TMEM108: variants seen among roughly 807,000 people sequenced by gnomAD.
The protein encoded by TMEM108 is cancer/testis antigen 124.
In TMEM108, 12 loss-of-function variants were observed where a neutral mutation model predicts 35.1. The observed-to-expected ratio is 0.34, with a 90% CI of 0.22 to 0.55. The LOEUF is 0.55. Ranked by LOEUF, TMEM108 falls within the 20% of genes least tolerant of loss-of-function variation. The probability of loss-of-function intolerance (pLI) is 0.89; values close to 1 mark genes in which losing one functional copy is unlikely to be tolerated. For missense variants in TMEM108, 680 were observed against 753.3 expected, an observed-to-expected ratio of 0.90 and a Z score of 1.14; for synonymous variants, 287 against 308.6, an observed-to-expected ratio of 0.93 and a Z score of 0.73.
intron 3 of TMEM108, among the ~76,000 whole-genome samples, chr3:133,296,869 C>G (rs1947152801): frequency 6.6e-6 from 1 of 152,154 alleles, no homozygotes; most frequent in Admixed American, 6.5e-5. Flanking sequence ...ATTTTCTCAT[C>G]AGGTAGAAGG....
chr3:133,322,345 C>T (rs923285797), intron 3 of TMEM108, among the ~76,000 whole-genome samples: 2 of 152,108 alleles, frequency 1.3e-5, no homozygotes, highest in African/African-American at 2.4e-5. Flanking sequence ...AGAGATACTA[C>T]AACTGACACC....
chr3:133,172,841 G>T (rs1002785861), intron 2 of TMEM108, among the ~76,000 whole-genome samples: 2 of 152,140 alleles, frequency 1.3e-5, no homozygotes, highest in African/African-American at 2.4e-5. Flanking sequence ...CATGGGGGCA[G>T]GTCTTTCTCA....
chr3:133,380,421 C>G lies in TMEM108; in HGVS notation c.710C>G (p.Pro237Arg), dbSNP rs774872132. 2 of 1,613,640 alleles carry G rather than the reference C, an allele frequency of 1.2e-6. No individual in the cohort carries two copies. Among genetic ancestry groups the G allele is most frequent in the Non-Finnish European group, 8.5e-7 (1 of 1,179,712 alleles). The change falls in exon 4 of 6, where the codon CCC becomes CGC. Residue 237 changes from proline (P) to arginine (R), a missense_variant. By Grantham distance (103) the Pro-to-Arg change is moderately radical (BLOSUM62 -2). Around this residue, in one of 3 missense-constraint regions of TMEM108, gnomAD observed 526 missense variants for 532.1 expected, o/e 0.99. Transcript: ENST00000321871. This position sits in a 1 kb window ranked among gnomAD's most constrained non-coding sequence, Gnocchi z 5.3. ...SVEPEPSTLT[P>R]RTPLWGYSSS... is the part of the protein sequence containing the mutation. ...GAACCGGAGCCCTCTACCCTCACCCCCAGGACCCCACTCTGGGGCTACTCC... is the reference window on the plus strand; with the variant it reads ...GAACCGGAGCCCTCTACCCTCACCCGCAGGACCCCACTCTGGGGCTACTCC...
At chr3:133,278,899 C>T (rs1946873093) in intron 3 of TMEM108, among the ~76,000 whole-genome samples, 1 of 152,128 alleles carries the variant, frequency 6.6e-6, no homozygotes, top group South Asian at 2.1e-4. Flanking sequence ...TTAGAATTTA[C>T]ATTTTAACAA....
chr3:133,342,996 A>T (rs1400444363), intron 3 of TMEM108, among the ~76,000 whole-genome samples: 1 of 151,816 alleles, frequency 6.6e-6, no homozygotes, highest in East Asian at 1.9e-4. Context: ...CACATTGTAT[A>T]CATGTATTGA....
At chr3:133,329,103 G>C (rs1001810917) in intron 3 of TMEM108, among the ~76,000 whole-genome samples, 2 of 151,758 alleles carry the variant, frequency 1.3e-5, no homozygotes, top group African/African-American at 4.8e-5. Flanking sequence ...TAGTAAATAA[G>C]TGTTTGAGAA....
intron 2 of TMEM108, among the ~76,000 whole-genome samples, chr3:133,047,671 G>A (rs1218243559): frequency 6.6e-6 from 1 of 152,220 alleles, no homozygotes; most frequent in African/African-American, 2.4e-5. Context: ...GTCCCCTGGA[G>A]AGCAGAATTG....
chr3:133,128,448 C>T (rs1944445498), intron 2 of TMEM108, among the ~76,000 whole-genome samples: 1 of 152,178 alleles, frequency 6.6e-6, no homozygotes, highest in African/African-American at 2.4e-5. Context: ...GTTCCTTCCT[C>T]ATTACCATCA....
At chr3:133,148,517 G>A (rs1394396790) in intron 2 of TMEM108, among the ~76,000 whole-genome samples, 1 of 152,112 alleles carries the variant, frequency 6.6e-6, no homozygotes, top group Admixed American at 6.6e-5. Flanking sequence ...ATATCATTAT[G>A]CTTTCATTTA....
Position 133,388,778 on chromosome 3 carries a change from G to A in TMEM108, c.1451-1402G>A, listed in dbSNP as rs1361558003. The A allele has an allele frequency of 3.0e-6, 3 of 985,302 alleles. No homozygotes were observed. In the African/African-American group the frequency reaches 5.2e-5, roughly 17 times the overall value. 61.0% of individuals were successfully genotyped at this position (985,302 alleles called of 1,614,324 possible). A position where few individuals can be genotyped will look rare whatever the true frequency, so the allele number is the denominator to read the frequency against. ...CAGAATTCCCCAGGCAGCCTACAGG[G>A]CCCTGGGCTCTGGGCTGTGAGGTCT... On this transcript the variant is annotated intron_variant, in intron 4 of 5. Transcript: ENST00000321871.
chr3:133,158,542 A>G (rs1488915584), intron 2 of TMEM108, among the ~76,000 whole-genome samples: 1 of 152,020 alleles, frequency 6.6e-6, no homozygotes, highest in African/African-American at 2.4e-5. Context: ...CAAACCTTTT[A>G]CTTCTTTCAC....
At chr3:133,370,225 T>A (rs2072618828) in intron 3 of TMEM108, among the ~76,000 whole-genome samples, 2 of 151,314 alleles carry the variant, frequency 1.3e-5, no homozygotes, top group Non-Finnish European at 2.9e-5. Flanking sequence ...TTAGTCTTCA[T>A]GTCCCCTTAC....
intron 3 of TMEM108, among the ~76,000 whole-genome samples, chr3:133,339,791 C>T (rs1173956374): frequency 6.6e-6 from 1 of 151,744 alleles, no homozygotes; most frequent in Non-Finnish European, 1.5e-5. Context: ...AAATCAATAA[C>T]AAGAGGAATT....
intron 3 of TMEM108, among the ~76,000 whole-genome samples, chr3:133,374,982 A>G (rs1479823430): frequency 6.6e-6 from 1 of 152,232 alleles, no homozygotes; most frequent in Non-Finnish European, 1.5e-5. Flanking sequence ...GCAGCTTGCC[A>G]TTCCCCAGCT....
chr3:133,252,801 C>G (rs140713585), intron 3 of TMEM108, among the ~76,000 whole-genome samples: 4 of 152,188 alleles, frequency 2.6e-5, no homozygotes, highest in South Asian at 4.1e-4. Flanking sequence ...TCCATTCTTG[C>G]ATACAGTGTT....
At chr3:133,217,358 T>C (rs1241741974) in intron 2 of TMEM108, among the ~76,000 whole-genome samples, 1 of 152,118 alleles carries the variant, frequency 6.6e-6, no homozygotes, top group Non-Finnish European at 1.5e-5. Context: ...TTCAAATACA[T>C]TTTCCCATTC....
intron 1 of TMEM108, among the ~76,000 whole-genome samples, chr3:133,044,511 G>T (rs537729085): frequency 2.6e-5 from 4 of 152,270 alleles, no homozygotes; most frequent in South Asian, 2.1e-4. Flanking sequence ...CTCTAATCCT[G>T]TATCTATTTT....
At chr3:133,088,606 G>T (rs1308986398) in intron 2 of TMEM108, among the ~76,000 whole-genome samples, 3 of 152,142 alleles carry the variant, frequency 2.0e-5, no homozygotes, top group African/African-American at 7.2e-5. Flanking sequence ...CACAAAGAAG[G>T]ATTTGGTGCT....
chr3:133,307,765 G>A (rs963255759), intron 3 of TMEM108, among the ~76,000 whole-genome samples: 2 of 152,074 alleles, frequency 1.3e-5, no homozygotes, highest in African/African-American at 4.8e-5. Flanking sequence ...TACTGTTTTG[G>A]TAACTATAGC....
Sources: gnomAD v4.1 joint callset for allele counts (sites outside exome capture counted in the v4.1 genomes callset) on GRCh38, gnomAD v4.1.1 for gene constraint, gnomAD v4.1.1 regional missense constraint, Gnocchi (gnomAD v3.1) non-coding constraint, MANE v1.5 for transcripts, NCBI Gene and HGNC (gene_info 2026-07-23, HGNC 2026-07-21) for gene names.